ACP4: variants seen among roughly 807,000 people sequenced by gnomAD.
ACP4 encodes the protein acid phosphatase 4.
Under a neutral mutation model 47.3 loss-of-function variants are expected in ACP4, and 49 were observed. The ratio of observed to expected loss-of-function variants is 1.04; its 90% confidence interval spans 0.82 to 1.32. The LOEUF is 1.32. Among genes scored for constraint, ACP4 ranks in the 40% most tolerant of loss-of-function variants. The pLI, the probability that ACP4 is intolerant of heterozygous loss-of-function variation, is 0.00. For missense variants in ACP4, 594 were observed against 579.3 expected (o/e 1.03, Z -0.26); for synonymous variants, 299 against 265.3 (o/e 1.13, Z -1.23).
chr19:50,790,942 C>A, intron 3 of ACP4, 82 bp downstream of exon 3: 1 of 1,351,556 alleles, frequency 7.4e-7, no homozygotes, highest in Non-Finnish European at 1.0e-6. Context: ...TTTGGGCCTC[C>A]ACCTCTGGCC....
In ACP4 at chr19:50,790,482, C is replaced by T; in HGVS notation, c.68C>T (p.Pro23Leu). Residue 23 changes from proline (P) to leucine (L), a missense_variant, in exon 1 of 11, where the codon CCA becomes CTA. Coordinates refer to ENST00000270593, the MANE Select transcript of ACP4 (RefSeq NM_033068.3). ...PLLLLLLLVL[P>L]PRALPEGPLV... ...CTGCTGCTGCTGCTGCTGGTGCTGC[C>T]ACCCCGGGCCCTGCCAGAAGGACCC... 1 of 1,563,512 alleles carries T rather than the reference C, an allele frequency of 6.4e-7. No individual in the cohort carries two copies. Among genetic ancestry groups the T allele is most frequent in the Non-Finnish European group, 8.6e-7 (1 of 1,156,964 alleles).
chr19:50,795,153 G>GT lies in ACP4; in HGVS notation c.1277dup (p.Ter427ValfsTer?). ...GTGCCTGCGGGCCTTGGGGGGCCCC[G>GT]TGTGAGCCAGAAACCAGGGCTTCCC... On this transcript the variant is annotated frameshift_variant, in exon 11 of 11. Coordinates refer to ENST00000270593, the MANE Select transcript of ACP4 (RefSeq NM_033068.3). LOFTEE classifies it high-confidence loss of function. 6.5e-7 allele frequency: 1 copy of GT among 1,541,320 alleles called. No individual in the cohort carries two copies. The highest frequency in any genetic ancestry group is 8.7e-7 in the Non-Finnish European group (1 of 1,146,808).
intron 6 of ACP4, chr19:50,792,652 G>C (rs1198427139): frequency 3.5e-6 from 1 of 282,060 alleles, no homozygotes; most frequent in Non-Finnish European, 6.5e-6. Flanking sequence ...TGGGCAGCGG[G>C]AGCTGACCTG....
In ACP4 at chr19:50,795,067, G is replaced by A. The variant is rs761719986; in HGVS notation, c.1190G>A (p.Gly397Glu). Reference sequence around the variant, plus strand: ...GCTCCAGTGGTGCCCCTGCTGGCCGGAGCTGTAGCTGTGCTGGTGGCACTC... The same window carrying A: ...GCTCCAGTGGTGCCCCTGCTGGCCGAAGCTGTAGCTGTGCTGGTGGCACTC... Reference protein sequence around the residue: ...PPAPVVPLLAGAVAVLVALSL... With the variant: ...PPAPVVPLLAEAVAVLVALSL... Residue 397 changes from glycine (G) to glutamate (E), a missense_variant, in exon 11 of 11, where the codon GGA becomes GAA. By Grantham distance (98) the Gly-to-Glu change is moderately conservative. Transcript: ENST00000270593. 5.0e-6 allele frequency: 8 copies of A among 1,602,612 alleles called. No homozygotes were observed. In the Admixed American group the frequency reaches 6.9e-5, roughly 14 times the overall value.
At position 50,792,097 on chromosome 19, in the gene ACP4, T is replaced by C. The variant is rs1031833722; in HGVS notation, c.475T>C (p.Cys159Arg). ...GCTGCTGAGGTTCCCCATGCGCAGC[T>C]GTCCCCGATACCACGAGCTGCTGCG... ...DKLLRFPMRS[C>R]PRYHELLREA... Residue 159 changes from cysteine (C) to arginine (R), a missense_variant, in exon 5 of 11, where the codon TGT becomes CGT. Cys to Arg is a radical substitution (Grantham distance 180). Transcript: ENST00000270593. 7 of 1,597,440 alleles carry C rather than the reference T, an allele frequency of 4.4e-6. No homozygotes were observed. The highest frequency in any genetic ancestry group is 2.6e-6 in the Non-Finnish European group (3 of 1,173,540).
chr19:50,794,298 C>T (rs186829273), intron 8 of ACP4, among the ~76,000 whole-genome samples, 159 bp from the exon 9 acceptor site: 10 of 152,094 alleles, frequency 6.6e-5, no homozygotes, highest in South Asian at 2.1e-4. Context: ...ATTAAGTGGC[C>T]GCCTGCAAAT....
intron 3 of ACP4, among the ~76,000 whole-genome samples, chr19:50,791,323 T>C (rs1349761667): frequency 6.6e-6 from 1 of 152,154 alleles, no homozygotes; most frequent in Non-Finnish European, 1.5e-5. Flanking sequence ...CTGAAGAACA[T>C]GTATTGAACT....
chr19:50,791,912 G>T, intron 4 of ACP4, 110 bp downstream of exon 4: 2 of 1,474,800 alleles, frequency 1.4e-6, no homozygotes, highest in Non-Finnish European at 9.1e-7. Context: ...TCCTCGAGCT[G>T]GTCTGTCCAG....
At chr19:50,794,070 C>A in intron 8 of ACP4, 100 bp downstream of exon 8, 1 of 1,386,344 alleles carries the variant, frequency 7.2e-7, no homozygotes, top group East Asian at 2.3e-5. Flanking sequence ...TGGATCTCAG[C>A]CCACTGCCTG....
intron 6 of ACP4, 69 bp from the exon 7 acceptor site, chr19:50,793,615 G>C: frequency 6.3e-7 from 1 of 1,586,208 alleles, no homozygotes; most frequent in Non-Finnish European, 8.6e-7. Context: ...GCAGGGGGCA[G>C]CACAGGCCTG....
chr19:50,793,636 G>A (rs370911214), intron 6 of ACP4, 48 bp from the exon 7 acceptor site: 9 of 1,598,170 alleles, frequency 5.6e-6, no homozygotes, highest in Non-Finnish European at 7.7e-6. Context: ...CGGGGCCAGA[G>A]GCAAACTCGA....
chr19:50,793,953 A>T lies in ACP4; in HGVS notation c.844A>T (p.Met282Leu). Reference sequence around the variant, plus strand: ...CCAGCGCCTGGGGCTGCCCCTCAAGATGGTCATGTACTCAGCTGTGAGTCC... The same window carrying T: ...CCAGCGCCTGGGGCTGCCCCTCAAGTTGGTCATGTACTCAGCTGTGAGTCC... The part of the protein sequence containing the change: ...RVQRLGLPLK[M>L]VMYSAHDSTL... Residue 282 changes from methionine to leucine, a missense_variant, in exon 8 of 11, where the codon ATG becomes TTG. Coordinates refer to ENST00000270593, the MANE Select transcript of ACP4 (RefSeq NM_033068.3). 6.2e-7 allele frequency: 1 copy of T among 1,613,994 alleles called. No homozygotes were observed.
At chr19:50,791,914 T>C in intron 4 of ACP4, 112 bp downstream of exon 4, 1 of 1,475,244 alleles carries the variant, frequency 6.8e-7, no homozygotes, top group South Asian at 1.3e-5. Context: ...CTCGAGCTGG[T>C]CTGTCCAGAC....
At chr19:50,793,514 C>A in intron 6 of ACP4, 170 bp from the exon 7 acceptor site, 2 of 1,047,706 alleles carry the variant, frequency 1.9e-6, no homozygotes, top group Non-Finnish European at 2.7e-6. Flanking sequence ...GGCTCCGTTT[C>A]AAAACAAAAA....
At chr19:50,793,590 G>C (rs1331536167) in intron 6 of ACP4, 94 bp from the exon 7 acceptor site, 45 of 1,525,524 alleles carry the variant, frequency 2.9e-5, no homozygotes, top group Non-Finnish European at 3.9e-5. Flanking sequence ...CCGGCCCATG[G>C]GGGGACTCAG....
At chr19:50,792,015 G>T in intron 4 of ACP4, 58 bp from the exon 5 acceptor site, 1 of 1,512,562 alleles carries the variant, frequency 6.6e-7, no homozygotes, top group Non-Finnish European at 8.9e-7. Flanking sequence ...CCCCCGACCC[G>T]CTGTGAGACC....
chr19:50,793,386 A>G (rs62114340), intron 6 of ACP4: 20,115 of 355,690 alleles, frequency 0.057, 1,260 homozygotes, highest in African/African-American at 0.2. Context: ...ATGGTGGCAC[A>G]CACTTGTAAT....
Position 50,794,925 on chromosome 19 carries a change from G to A in ACP4, c.1126G>A (p.Val376Ile). 1.2e-6 allele frequency: 2 copies of A among 1,613,438 alleles called. No homozygotes were observed. The highest frequency in any genetic ancestry group is 1.1e-5 in the South Asian group (1 of 90,978). ...TAPARPPAHG[V>I]SCHGPYEAAI... is the part of the protein sequence containing the mutation. ...CCCGGCCCGGCCTCCCGCCCATGGG[G>A]TCTCCTGCCATGGCCCCTATGAGGC... The change falls in exon 10 of 11, where the codon GTC (valine) becomes ATC (isoleucine). Residue 376 changes from valine to isoleucine, a missense_variant. Coordinates refer to ENST00000270593, the MANE Select transcript of ACP4 (RefSeq NM_033068.3).
rs370113887 is a variant in ACP4 at position 50,790,429 on chromosome 19, G to A, written c.15G>A (p.Gly5=). 4.4e-6 allele frequency: 7 copies of A among 1,588,962 alleles called. No individual in the cohort carries two copies. Among genetic ancestry groups the A allele is most frequent in the Admixed American group, 1.7e-5 (1 of 57,212 alleles). The change falls in exon 1 of 11, where the codon GGG becomes GGA. Residue 5 remains glycine, a synonymous_variant. Transcript: ENST00000270593. The part of the protein sequence containing the change: MAGL[G]FWGHPAGPLL... ...GCTGGGTGGAAATGGCCGGCCTGGG[G>A]TTTTGGGGCCACCCTGCTGGACCTC...
Sources: allele counts gnomAD v4.1 joint callset (sites outside exome capture counted in the v4.1 genomes callset), GRCh38; gene constraint gnomAD v4.1.1; transcripts MANE v1.5; gene names NCBI Gene and HGNC (gene_info 2026-07-23, HGNC 2026-07-21).